Variants in HDX observed in about 807,000 individuals in gnomAD.
HDX encodes the protein highly divergent homeobox.
HDX carries 19 observed loss-of-function variants against 45.2 expected under a neutral mutation model. The observed-to-expected ratio is 0.42, with a 90% CI of 0.29 to 0.62. The LOEUF (loss-of-function observed/expected upper bound fraction) is 0.62, where lower values mean the gene tolerates loss of function less well. HDX is among the 20% of genes least tolerant of loss of function. HDX has a pLI of 0.20. For synonymous variants in HDX, 188 were observed against 172.8 expected (o/e 1.09, Z -0.69); for missense variants, 532 against 493.9 (o/e 1.08, Z -0.73).
chrX:84,321,336 C>G lies in HDX; in HGVS notation c.*553G>C, dbSNP rs2036593620. On this transcript the variant is annotated 3_prime_UTR_variant, in exon 11 of 11. Coordinates refer to ENST00000373177, the MANE Select transcript of HDX (RefSeq NM_001177479.2). The stretch of plus-strand genomic sequence containing the variant: ...CAATTTACAATTACATACCTGTAAT[C>G]ATTTAATTTTCAGTCATTAGTTTAA... 1 of 110,750 alleles carries G rather than the reference C, an allele frequency of 9.0e-6. No individual in the cohort carries two copies. The highest frequency in any genetic ancestry group is 9.6e-5 in the Admixed American group (1 of 10,423). 9.1% of individuals were successfully genotyped at this position (110,750 alleles called of 1,213,427 possible).
At chrX:84,335,108 C>T (rs1241810925) in intron 8 of HDX, among the ~76,000 whole-genome samples, 2 of 111,452 alleles carry the variant, frequency 1.8e-5, no homozygotes, top group East Asian at 2.8e-4. Context: ...TTACTTTCTA[C>T]TGCTGCCTGG....
chrX:84,463,663 C>G (rs1417832042), intron 4 of HDX, among the ~76,000 whole-genome samples: 1 of 110,631 alleles, frequency 9.0e-6, no homozygotes, highest in Non-Finnish European at 1.9e-5. Context: ...CAAAGATGAT[C>G]ATTAATAAAT....
intron 5 of HDX, among the ~76,000 whole-genome samples, chrX:84,371,635 A>G (rs1040921218): frequency 1.8e-5 from 2 of 111,909 alleles, no homozygotes; most frequent in African/African-American, 6.5e-5. Context: ...CACAGCCCCC[A>G]TGGAACACAG....
chrX:84,365,391 G>C, intron 5 of HDX, among the ~76,000 whole-genome samples: 1 of 111,405 alleles, frequency 9.0e-6, no homozygotes, highest in Admixed American at 9.6e-5. Context: ...CAACAGTAGT[G>C]TATTAGTCAC....
chrX:84,473,026 G>GA (rs34945289), intron 3 of HDX, among the ~76,000 whole-genome samples: 1 of 105,757 alleles, frequency 9.5e-6, no homozygotes, highest in Non-Finnish European at 1.9e-5. Flanking sequence ...ATATTCATAG[G>GA]AAAAAAAAGA....
chrX:84,343,133 G>A (rs924121559), intron 7 of HDX, among the ~76,000 whole-genome samples: 2 of 111,097 alleles, frequency 1.8e-5, no homozygotes, highest in African/African-American at 3.3e-5. Flanking sequence ...GGGAGTGACT[G>A]CAAATGGGCT....
At chrX:84,466,755 T>C (rs1481141122) in intron 4 of HDX, among the ~76,000 whole-genome samples, 2 of 111,761 alleles carry the variant, frequency 1.8e-5, no homozygotes, top group Non-Finnish European at 3.8e-5. Flanking sequence ...TTATGCTGTA[T>C]GGTAAAGCAG....
intron 7 of HDX, among the ~76,000 whole-genome samples, chrX:84,338,409 G>T (rs2147786661): frequency 9.1e-6 from 1 of 110,094 alleles, no homozygotes; most frequent in South Asian, 3.9e-4. Flanking sequence ...TTTCTATAAT[G>T]AAACAAATTA....
intron 5 of HDX, among the ~76,000 whole-genome samples, chrX:84,368,158 G>A (rs6623008): frequency 1.8e-5 from 2 of 111,336 alleles, no homozygotes; most frequent in African/African-American, 6.5e-5. Flanking sequence ...TTTTCTTGAA[G>A]CATAAGGAGG....
rs1260268840 is a variant in HDX, at chrX:84,319,942, G to A, written c.*1947C>T. The A allele has an allele frequency of 9.0e-6, 1 of 111,030 alleles. No homozygotes were observed. Among genetic ancestry groups the A allele is most frequent in the Non-Finnish European group, 1.9e-5 (1 of 52,504 alleles). 9.2% of individuals were successfully genotyped at this position (111,030 alleles called of 1,213,427 possible). On this transcript the variant is annotated 3_prime_UTR_variant, in exon 11 of 11. Coordinates refer to ENST00000373177, the MANE Select transcript of HDX (RefSeq NM_001177479.2). The stretch of plus-strand genomic sequence containing the variant: ...CTATAGTGTTAAAAGCTGTAGGAGA[G>A]AATATACCTATAGTTAATTTGCAAT...
intron 6 of HDX, among the ~76,000 whole-genome samples, chrX:84,354,926 C>CAT (rs2037439669): frequency 4.2e-5 from 1 of 24,065 alleles, no homozygotes; most frequent in African/African-American, 1.3e-4. Flanking sequence ...TATACACACA[C>CAT]ACACATATAT....
chrX:84,351,055 CATCT>C (rs756373945), intron 6 of HDX, among the ~76,000 whole-genome samples: 3 of 107,357 alleles, frequency 2.8e-5, no homozygotes, highest in Non-Finnish European at 5.8e-5. Flanking sequence ...ATCTATCTAT[CATCT>C]ATCTATCTTA....
intron 5 of HDX, among the ~76,000 whole-genome samples, chrX:84,421,615 C>T (rs929868398): frequency 1.9e-5 from 2 of 104,285 alleles, no homozygotes; most frequent in South Asian, 9.7e-4. Context: ...AATCAAAAGA[C>T]ATAGACTGGC....
Position 84,467,623 on chromosome X carries a change from C to CAA in HDX, c.1251+847_1251+848dup, listed in dbSNP as rs576047136. ...CCTGGGTGACAGAGCAAGACTCCGT[C>CAA]AAAAAAAAAAAAAAAAGGAAAAGAA... On this transcript the variant is annotated intron_variant, in intron 4 of 10. Coordinates refer to ENST00000373177, the MANE Select transcript of HDX (RefSeq NM_001177479.2). Among the ~76,000 whole-genome samples, 180 of 64,595 alleles carry CAA rather than the reference C, an allele frequency of 2.8e-3. 3 individuals carry two copies. The highest frequency in any genetic ancestry group is 9.4e-3 in the African/African-American group (170 of 18,070). 56.1% of individuals were successfully genotyped at this position (64,595 alleles called of 115,157 possible).
chrX:84,468,780 A>C lies in HDX; in HGVS notation c.943T>G (p.Ser315Ala). Residue 315 changes from serine to alanine, a missense_variant, in exon 4 of 11, where the codon TCG becomes GCG. Physicochemically the swap from Ser to Ala is moderately conservative, Grantham distance 99. Coordinates refer to ENST00000373177, the MANE Select transcript of HDX (RefSeq NM_001177479.2). The part of the protein sequence containing the change: ...DEYAREEELA[S>A]MRAQIPSYSR... Reference sequence around the variant, plus strand: ...TAGCTTGGTATCTGTGCTCTCATCGATGCCAGCTCTTCCTCTCTGGCATAT... The same window carrying C: ...TAGCTTGGTATCTGTGCTCTCATCGCTGCCAGCTCTTCCTCTCTGGCATAT... The C allele has an allele frequency of 1.7e-6, 2 of 1,211,112 alleles. No homozygotes were observed. The highest frequency in any genetic ancestry group is 2.2e-6 in the Non-Finnish European group (2 of 894,990).
intron 5 of HDX, among the ~76,000 whole-genome samples, chrX:84,402,083 A>G (rs1424476816): frequency 4.5e-5 from 5 of 111,654 alleles, no homozygotes; most frequent in African/African-American, 1.6e-4. Context: ...TAGGACAAAT[A>G]GCTAATGCAT....
intron 5 of HDX, among the ~76,000 whole-genome samples, chrX:84,419,171 G>C (rs1274955617): frequency 2.7e-5 from 3 of 111,198 alleles, no homozygotes; most frequent in Non-Finnish European, 3.8e-5. Context: ...GGAAGAGTCA[G>C]AGACTTGCTG....
At chrX:84,373,897 A>G (rs2037968891) in intron 5 of HDX, among the ~76,000 whole-genome samples, 2 of 110,074 alleles carry the variant, frequency 1.8e-5, no homozygotes, top group African/African-American at 6.6e-5. Context: ...TAGTGTTGGA[A>G]GTTCTGGCCA....
rs1235200777 is a variant in HDX, at chrX:84,320,928, C to T, written c.*961G>A. ...TTTGAATACTATCCTTGGCTGATGG[C>T]TCTGTACAGGCCTCATATGGAAATG... On this transcript the variant is annotated 3_prime_UTR_variant, in exon 11 of 11. Coordinates refer to ENST00000373177, the MANE Select transcript of HDX (RefSeq NM_001177479.2). The T allele has an allele frequency of 9.0e-6, 1 of 110,672 alleles. No homozygotes were observed. Among genetic ancestry groups the T allele is most frequent in the East Asian group, 2.8e-4 (1 of 3,534 alleles). 9.1% of individuals were successfully genotyped at this position (110,672 alleles called of 1,213,427 possible).
Sources: gnomAD v4.1 joint callset for allele counts (sites outside exome capture counted in the v4.1 genomes callset) on GRCh38, gnomAD v4.1.1 for gene constraint, MANE v1.5 for transcripts, NCBI Gene and HGNC (gene_info 2026-07-23, HGNC 2026-07-21) for gene names.